MOSMO: variants seen among roughly 807,000 people sequenced by gnomAD.
MOSMO encodes modulator of smoothened protein.
Under a neutral mutation model 18.4 loss-of-function variants are expected in MOSMO, and 5 were observed. The ratio of observed to expected loss-of-function variants is 0.27; its 90% CI spans 0.14 to 0.57. The LOEUF is 0.57. Among genes scored for constraint, MOSMO ranks in the 20% least tolerant of loss-of-function variants. The probability of loss-of-function intolerance (pLI) is 0.92; values close to 1 mark genes in which losing one functional copy is unlikely to be tolerated. For missense variants in MOSMO, 138 were observed against 211.8 expected (o/e 0.65, Z 2.16); for synonymous variants, 82 against 82.3 (o/e 1.00, Z 0.02).
At chr16:22,027,038 A>G (rs1392556973) in intron 1 of MOSMO, among the ~76,000 whole-genome samples, 1 of 152,194 alleles carries the variant, frequency 6.6e-6, no homozygotes, top group African/African-American at 2.4e-5. Flanking sequence ...ATATAATTCT[A>G]TGTAATATAC....
intron 1 of MOSMO, among the ~76,000 whole-genome samples, chr16:22,040,642 A>G (rs941117747): frequency 6.6e-5 from 10 of 152,216 alleles, no homozygotes; most frequent in Non-Finnish European, 1.5e-4. Flanking sequence ...AAATGGGGGA[A>G]GTCAGAAGGT....
intron 1 of MOSMO, among the ~76,000 whole-genome samples, chr16:22,049,808 A>G (rs1323913724): frequency 6.6e-6 from 1 of 152,194 alleles, no homozygotes; most frequent in Non-Finnish European, 1.5e-5. Context: ...TAATTCTTTT[A>G]TAAATGTTAA....
intron 1 of MOSMO, among the ~76,000 whole-genome samples, chr16:22,038,500 A>G (rs1387126155): frequency 6.6e-6 from 1 of 152,190 alleles, no homozygotes; most frequent in African/African-American, 2.4e-5. Flanking sequence ...AGGAGACAAG[A>G]AACACTTTGT....
At chr16:22,064,784 T>A (rs1022426340) in intron 1 of MOSMO, among the ~76,000 whole-genome samples, 1 of 152,184 alleles carries the variant, frequency 6.6e-6, no homozygotes, top group Non-Finnish European at 1.5e-5. Context: ...TACACTTAGA[T>A]AAGACAGAGT....
intron 1 of MOSMO, among the ~76,000 whole-genome samples, chr16:22,062,126 G>C (rs1900656290): frequency 6.6e-6 from 1 of 151,984 alleles, no homozygotes; most frequent in Non-Finnish European, 1.5e-5. Context: ...TTACAGTTCT[G>C]ACTCATTTAA....
chr16:22,070,695 C>T (rs1794238083), intron 1 of MOSMO, among the ~76,000 whole-genome samples: 1 of 152,062 alleles, frequency 6.6e-6, no homozygotes, highest in Non-Finnish European at 1.5e-5. Flanking sequence ...TTTATAAGCA[C>T]CTATATCCTA....
chr16:22,075,223 GTATT>G (rs1163929007), intron 1 of MOSMO: 1 of 528,326 alleles, frequency 1.9e-6, no homozygotes, highest in Non-Finnish European at 3.6e-6. Flanking sequence ...ACTCAGAAAA[GTATT>G]TATTTAATGA....
At chr16:22,079,058 C>A (rs971164311) in intron 2 of MOSMO, among the ~76,000 whole-genome samples, 4 of 152,120 alleles carry the variant, frequency 2.6e-5, no homozygotes, top group South Asian at 2.1e-4. Flanking sequence ...GTTTCTTAAG[C>A]TGATGTATTA....
chr16:22,069,084 T>C (rs1189104470), intron 1 of MOSMO, among the ~76,000 whole-genome samples: 1 of 152,112 alleles, frequency 6.6e-6, no homozygotes, highest in Non-Finnish European at 1.5e-5. Context: ...AGTAAGGAGA[T>C]ACAGTGCTTT....
chr16:22,031,693 A>G (rs1899997284), intron 1 of MOSMO, among the ~76,000 whole-genome samples: 1 of 152,182 alleles, frequency 6.6e-6, no homozygotes, highest in South Asian at 2.1e-4. Context: ...TCAGTACTTC[A>G]TTTTTATTAC....
intron 1 of MOSMO, among the ~76,000 whole-genome samples, chr16:22,040,010 G>A (rs1900180716): frequency 6.6e-6 from 1 of 152,226 alleles, no homozygotes; most frequent in African/African-American, 2.4e-5. Flanking sequence ...CTAGCACATG[G>A]AAGGCATTGG....
chr16:22,016,148 T>C (rs976255475), intron 1 of MOSMO, among the ~76,000 whole-genome samples: 39 of 152,222 alleles, frequency 2.6e-4, no homozygotes, highest in African/African-American at 9.2e-4. Context: ...TCTGTAGGAT[T>C]TGGAGTCAGG....
chr16:22,088,803 G>A (rs1901236653), downstream of MOSMO, among the ~76,000 whole-genome samples: 1 of 152,128 alleles, frequency 6.6e-6, no homozygotes, highest in South Asian at 2.1e-4. Context: ...CAGGCTCCCT[G>A]ACTTCAGATC....
At chr16:22,087,223 C>T (rs1901201564), downstream of MOSMO, 1 of 152,118 alleles carries the variant, frequency 6.6e-6, no homozygotes. Flanking sequence ...GCCATCCATC[C>T]ATTTGATAGG....
intron 1 of MOSMO, among the ~76,000 whole-genome samples, chr16:22,061,197 A>G (rs1900638950): frequency 6.6e-6 from 1 of 152,210 alleles, no homozygotes; most frequent in South Asian, 2.1e-4. Flanking sequence ...CACACATTCT[A>G]TATCATGGTT....
intron 1 of MOSMO, among the ~76,000 whole-genome samples, chr16:22,020,177 C>T (rs1441242412): frequency 6.7e-6 from 1 of 148,248 alleles, no homozygotes; most frequent in Non-Finnish European, 1.5e-5. Context: ...CGTGTCATTG[C>T]ACTCCAGCCT....
chr16:22,023,131 T>G (rs1899798424), intron 1 of MOSMO, among the ~76,000 whole-genome samples: 1 of 152,204 alleles, frequency 6.6e-6, no homozygotes, highest in African/African-American at 2.4e-5. Context: ...TTAAATTGAG[T>G]CACTTAAGAA....
chr16:22,044,153 A>G (rs1448041948), intron 1 of MOSMO, among the ~76,000 whole-genome samples: 1 of 152,182 alleles, frequency 6.6e-6, no homozygotes, highest in East Asian at 1.9e-4. Flanking sequence ...TGGGAATTAT[A>G]GGAGTTTCAA....
At chr16:22,089,202 G>A (rs1319844105), downstream of MOSMO, among the ~76,000 whole-genome samples, 7 of 151,922 alleles carry the variant, frequency 4.6e-5, no homozygotes, top group Non-Finnish European at 1.0e-4. Flanking sequence ...CAAGTAGCTG[G>A]GACCACAGGC....
Sources: gnomAD v4.1 joint callset for allele counts (sites outside exome capture counted in the v4.1 genomes callset) on GRCh38, gnomAD v4.1.1 for gene constraint, MANE v1.5 for transcripts, NCBI Gene and HGNC (gene_info 2026-07-23, HGNC 2026-07-21) for gene names.